FBXW10B: variants seen among roughly 807,000 people sequenced by gnomAD.
FBXW10B encodes F-box and WD repeat domain containing 10B.
At chr17:15,594,055 T>C in the FBXW10B span, among the ~76,000 whole-genome samples, 6 of 152,214 alleles carry the variant, frequency 3.9e-5, no homozygotes, top group Middle Eastern at 3.2e-3. Context: ...AAAAGGCTGA[T>C]GTCACAATCT....
At chr17:15,614,205 T>C in the FBXW10B span, among the ~76,000 whole-genome samples, 2 of 152,002 alleles carry the variant, frequency 1.3e-5, no homozygotes, top group African/African-American at 4.8e-5. Context: ...ATCTTTTTTT[T>C]TGAGACGGAG....
the FBXW10B span, chr17:15,598,838 T>C: frequency 8.2e-7 from 1 of 1,219,802 alleles, no homozygotes; most frequent in Non-Finnish European, 1.1e-6. Flanking sequence ...AGGAAGTTAA[T>C]TTCTGTGTAA....
the FBXW10B span, among the ~76,000 whole-genome samples, chr17:15,584,765 A>C: frequency 6.6e-6 from 1 of 152,204 alleles, no homozygotes; most frequent in Non-Finnish European, 1.5e-5. Context: ...GCCCTTGTGC[A>C]CATTGATTTA....
At chr17:15,586,575 G>A in the FBXW10B span, among the ~76,000 whole-genome samples, 1 of 151,624 alleles carries the variant, frequency 6.6e-6, no homozygotes, top group Admixed American at 6.6e-5. Flanking sequence ...CATTTTCCAT[G>A]AACTTTTTCA....
At chr17:15,619,622 A>G in the FBXW10B span, 1 of 1,511,224 alleles carries the variant, frequency 6.6e-7, no homozygotes, top group Non-Finnish European at 8.8e-7. Context: ...TGCCTTTTCT[A>G]TTACAAACGT....
At chr17:15,595,061 G>A in the FBXW10B span, 1 of 531,260 alleles carries the variant, frequency 1.9e-6, no homozygotes, top group Non-Finnish European at 2.4e-6. Flanking sequence ...GCCAATGGAG[G>A]CCGGGCGCGG....
chr17:15,597,036 G>C, the FBXW10B span, among the ~76,000 whole-genome samples: 1 of 147,760 alleles, frequency 6.8e-6, no homozygotes, highest in East Asian at 2.1e-4. Flanking sequence ...TACAGCTTGA[G>C]TAGGGGCAGG....
chr17:15,597,606 C>T, the FBXW10B span, among the ~76,000 whole-genome samples: 1 of 151,978 alleles, frequency 6.6e-6, no homozygotes, highest in South Asian at 2.1e-4. Flanking sequence ...GCACTCCAAC[C>T]TGGCCACAGA....
At chr17:15,608,527 C>T in the FBXW10B span, among the ~76,000 whole-genome samples, 1 of 151,912 alleles carries the variant, frequency 6.6e-6, no homozygotes, top group East Asian at 1.9e-4. Flanking sequence ...GATCTTGGCT[C>T]ACTGCAACCT....
the FBXW10B span, chr17:15,594,487 A>AAAAAT: frequency 2.2e-6 from 1 of 455,410 alleles, no homozygotes; most frequent in African/African-American, 2.0e-5. Flanking sequence ...AAAAAAAAAA[A>AAAAAT]TTCAATATCT....
At chr17:15,608,179 T>C in the FBXW10B span, among the ~76,000 whole-genome samples, 2 of 128,916 alleles carry the variant, frequency 1.6e-5, no homozygotes, top group African/African-American at 3.0e-5. Context: ...TTTTTTTTTT[T>C]CAGACGGAGT....
chr17:15,596,877 GT>G, the FBXW10B span, among the ~76,000 whole-genome samples: 1 of 152,162 alleles, frequency 6.6e-6, no homozygotes, highest in Non-Finnish European at 1.5e-5. Flanking sequence ...AATACAGGTG[GT>G]TGAGGGAGCC....
At chr17:15,589,428 G>C in the FBXW10B span, 5 of 270,366 alleles carry the variant, frequency 1.8e-5, no homozygotes, top group African/African-American at 1.2e-4. Flanking sequence ...ATGGGGCGGG[G>C]AGAAGGTACC....
chr17:15,577,377 C>T, the FBXW10B span, among the ~76,000 whole-genome samples: 7 of 152,120 alleles, frequency 4.6e-5, no homozygotes, highest in Admixed American at 1.3e-4. Context: ...CTGGGATTTT[C>T]TGAAAGTTAC....
At chr17:15,597,268 A>G in the FBXW10B span, among the ~76,000 whole-genome samples, 13 of 144,662 alleles carry the variant, frequency 9.0e-5, no homozygotes, top group African/African-American at 3.0e-4. Flanking sequence ...ACTGTGTTAG[A>G]GCAACTGCCT....
the FBXW10B span, among the ~76,000 whole-genome samples, chr17:15,616,949 G>C: frequency 6.6e-6 from 1 of 152,062 alleles, no homozygotes; most frequent in African/African-American, 2.4e-5. Flanking sequence ...TTGCATCTGT[G>C]TGTACAAGCC....
At chr17:15,578,852 A>C in the FBXW10B span, among the ~76,000 whole-genome samples, 1 of 152,180 alleles carries the variant, frequency 6.6e-6, no homozygotes, top group Non-Finnish European at 1.5e-5. Context: ...GCTGAATCTC[A>C]GTGGTCAGCA....
chr17:15,584,619 A>G, the FBXW10B span, among the ~76,000 whole-genome samples: 2 of 152,222 alleles, frequency 1.3e-5, no homozygotes, highest in South Asian at 2.1e-4. Context: ...TCTGAAGTCC[A>G]CTGATTGTGG....
chr17:15,618,251 CCAG>C, the FBXW10B span, among the ~76,000 whole-genome samples: 1 of 152,094 alleles, frequency 6.6e-6, no homozygotes, highest in Non-Finnish European at 1.5e-5. Context: ...TTGCTTGAAC[CCAG>C]CAGGTGGAGG....
Sources: gnomAD v4.1 joint callset for allele counts (sites outside exome capture counted in the v4.1 genomes callset) on GRCh38, gnomAD v4.1.1 for gene constraint, MANE v1.5 for transcripts, NCBI Gene and HGNC (gene_info 2026-07-23, HGNC 2026-07-21) for gene names.